The following MBNL3 variants were observed in gnomAD, a reference collection of about 807,000 sequenced individuals.
The protein encoded by MBNL3 is muscleblind like splicing regulator 3, also known as muscleblind-like protein 3.
Under a neutral mutation model 24.5 loss-of-function variants are expected in MBNL3, and 6 were observed. The ratio of observed to expected loss-of-function variants is 0.25; its 90% confidence interval spans 0.13 to 0.48. The LOEUF (loss-of-function observed/expected upper bound fraction) is 0.48. MBNL3 is among the 20% of genes least tolerant of loss of function. MBNL3 has a pLI of 0.99. For synonymous variants in MBNL3, 100 were observed against 101.7 expected (o/e 0.98, Z 0.10); for missense variants, 230 against 293.5 (o/e 0.78, Z 1.58).
intron 2 of MBNL3, among the ~76,000 whole-genome samples, chrX:132,416,447 G>C (rs185152982): frequency 3.6e-5 from 4 of 111,747 alleles, no homozygotes; most frequent in African/African-American, 1.3e-4. Context: ...TAGTGAGAAG[G>C]GGTTTATAAA....
intron 3 of MBNL3, among the ~76,000 whole-genome samples, chrX:132,400,571 A>G (rs142413988): frequency 0.021 from 2,370 of 111,529 alleles, 105 homozygotes; most frequent in Admixed American, 0.15. Flanking sequence ...ATATTTTGCA[A>G]ATTTTACAAA....
chrX:132,419,361 C>T (rs1943586329), intron 2 of MBNL3, among the ~76,000 whole-genome samples: 1 of 111,591 alleles, frequency 9.0e-6, no homozygotes, highest in Non-Finnish European at 1.9e-5. Context: ...TCATGACTAT[C>T]ATCACCTCCC....
intron 2 of MBNL3, among the ~76,000 whole-genome samples, chrX:132,422,332 C>T (rs1943901899): frequency 8.9e-6 from 1 of 111,738 alleles, no homozygotes; most frequent in Non-Finnish European, 1.9e-5. Flanking sequence ...GGGTTCCACA[C>T]ATTTAGACAC....
chrX:132,478,284 A>G lies in MBNL3; in HGVS notation c.-704+10567T>C, dbSNP rs140341112. 7.5e-3 allele frequency among the ~76,000 whole-genome samples: 834 copies of G among 111,681 alleles called. 5 individuals carry two copies. Among genetic ancestry groups the G allele is most frequent in the African/African-American group, 0.025 (768 of 30,692 alleles). Reference sequence around the variant, plus strand: ...AGTGTCCCAATGTTCTAGCAATAGCACTTAGTAAATACATAATATATAAAG... The same window carrying G: ...AGTGTCCCAATGTTCTAGCAATAGCGCTTAGTAAATACATAATATATAAAG... On this transcript the variant is annotated intron_variant, in intron 1 of 8. Transcript: ENST00000370853.
intron 1 of MBNL3, among the ~76,000 whole-genome samples, chrX:132,449,635 C>CATT (rs1945955232): frequency 9.2e-6 from 1 of 108,949 alleles, no homozygotes; most frequent in Admixed American, 9.8e-5. Flanking sequence ...TTGTTTAGGG[C>CATT]ATTTAGCCCA....
Position 132,386,826 on chromosome X carries a change from A to G in MBNL3, c.772-15T>C, listed in dbSNP as rs773186378. 8.3e-7 allele frequency: 1 copy of G among 1,207,666 alleles called. No homozygotes were observed. The highest frequency in any genetic ancestry group is 3.0e-5 in the East Asian group (1 of 33,808). On this transcript the variant is annotated splice_polypyrimidine_tract_variant and intron_variant, in intron 5 of 8. Transcript: ENST00000370853. ...GGCTGCAGGGCCTGTGGGGGGAGAG[A>G]TGGTACTAGTACTAGAGAAAGTAAC...
At chrX:132,409,426 A>G (rs1168235288) in intron 2 of MBNL3, among the ~76,000 whole-genome samples, 1 of 111,707 alleles carries the variant, frequency 9.0e-6, no homozygotes, top group South Asian at 3.7e-4. Context: ...GAAGGTTCCA[A>G]TGATTTCTGT....
chrX:132,419,958 G>A (rs1347799352), intron 2 of MBNL3, among the ~76,000 whole-genome samples: 3 of 111,668 alleles, frequency 2.7e-5, no homozygotes, highest in Non-Finnish European at 5.6e-5. Context: ...GATCACCTGA[G>A]CCCGGGAGGC....
Position 132,379,456 on chromosome X carries a change from G to A in MBNL3, c.*210C>T. On this transcript the variant is annotated 3_prime_UTR_variant, in exon 9 of 9. Coordinates refer to ENST00000370853, the MANE Select transcript of MBNL3 (RefSeq NM_001386889.1). ...CAAATAGGATGGATGGTAGTTACTA[G>A]TTTTCTATTTGTGTTGTTTTAACAT... 2 of 375,609 alleles carry A rather than the reference G, an allele frequency of 5.3e-6. No homozygotes were observed. The highest frequency in any genetic ancestry group is 9.2e-6 in the Non-Finnish European group (2 of 216,609). 31.0% of individuals were successfully genotyped at this position (375,609 alleles called of 1,213,427 possible). A position where few individuals can be genotyped will look rare whatever the true frequency, so the allele number is the denominator to read the frequency against.
intron 1 of MBNL3, among the ~76,000 whole-genome samples, chrX:132,477,267 T>C (rs1290937037): frequency 2.7e-5 from 3 of 112,354 alleles, no homozygotes; most frequent in Non-Finnish European, 5.6e-5. Flanking sequence ...TCTTTTTCTA[T>C]TCTTAATCTT....
In MBNL3 at chrX:132,375,534, A is replaced by G; in HGVS notation, c.*4132T>C. 9.0e-6 allele frequency: 1 copy of G among 111,447 alleles called. No individual in the cohort carries two copies. The highest frequency in any genetic ancestry group is 1.9e-5 in the Non-Finnish European group (1 of 52,888). The allele number at this position is 111,447 out of a possible 1,213,427, so 9.2% of individuals were successfully genotyped here. On this transcript the variant is annotated 3_prime_UTR_variant, in exon 9 of 9. Coordinates refer to ENST00000370853, the MANE Select transcript of MBNL3 (RefSeq NM_001386889.1). ...GAAAAATGAAAATATGGTACCAATT[A>G]GTGAGTTATATTTACAGTTTGATTA...
chrX:132,394,275 T>C (rs1937618007), intron 3 of MBNL3, among the ~76,000 whole-genome samples: 1 of 111,859 alleles, frequency 8.9e-6, no homozygotes, highest in Admixed American at 9.5e-5. Context: ...GAATACGGGA[T>C]ACTTGTCATG....
chrX:132,407,018 A>G (rs181372198), intron 2 of MBNL3, among the ~76,000 whole-genome samples: 25 of 111,957 alleles, frequency 2.2e-4, no homozygotes, highest in African/African-American at 7.5e-4. Context: ...GTGGGGAGCA[A>G]AAGGGCAACT....
intron 1 of MBNL3, among the ~76,000 whole-genome samples, chrX:132,478,052 C>A (rs1947533524): frequency 9.0e-6 from 1 of 111,515 alleles, no homozygotes; most frequent in Non-Finnish European, 1.9e-5. Flanking sequence ...TTATGAAAAT[C>A]AAAAACAATT....
chrX:132,445,534 C>T (rs1945661125), intron 1 of MBNL3, among the ~76,000 whole-genome samples: 1 of 110,715 alleles, frequency 9.0e-6, no homozygotes, highest in Non-Finnish European at 1.9e-5. Context: ...TTTCATAATA[C>T]TCCTGGGATA....
At chrX:132,414,407 C>A (rs776275676) in intron 2 of MBNL3, among the ~76,000 whole-genome samples, 1 of 112,088 alleles carries the variant, frequency 8.9e-6, no homozygotes, top group African/African-American at 3.2e-5. Flanking sequence ...AATAGTAAAG[C>A]TGGAAAGGCT....
chrX:132,481,990 C>T (rs932032518), intron 1 of MBNL3, among the ~76,000 whole-genome samples: 34 of 111,993 alleles, frequency 3.0e-4, no homozygotes, highest in African/African-American at 1.0e-3. Flanking sequence ...AATACAAATA[C>T]TGCATGTTCT....
chrX:132,431,521 T>G (rs1407396422), intron 2 of MBNL3: 2 of 111,816 alleles, frequency 1.8e-5, no homozygotes, highest in Non-Finnish European at 3.8e-5. Context: ...CTCTAGCACT[T>G]TCTTACATTC....
chrX:132,474,418 C>A (rs2148526340), intron 1 of MBNL3, among the ~76,000 whole-genome samples: 1 of 111,644 alleles, frequency 9.0e-6, no homozygotes, highest in East Asian at 2.8e-4. Context: ...ATAATCCTAT[C>A]TGTTATTTTA....
Sources: gnomAD v4.1 joint callset for allele counts (sites outside exome capture counted in the v4.1 genomes callset) on GRCh38, gnomAD v4.1.1 for gene constraint, MANE v1.5 for transcripts, NCBI Gene and HGNC (gene_info 2026-07-23, HGNC 2026-07-21) for gene names.